The following TMEM164 variants were observed in gnomAD, a reference collection of about 807,000 sequenced individuals.
The protein encoded by TMEM164 is transmembrane protein 164.
In TMEM164, 4 loss-of-function variants were observed where a neutral mutation model predicts 18.8. That is an observed-to-expected ratio of 0.21 (90% CI 0.10 to 0.49). The LOEUF (loss-of-function observed/expected upper bound fraction) is 0.49. Ranked by LOEUF, TMEM164 falls within the 20% of genes least tolerant of loss-of-function variation. The probability of loss-of-function intolerance (pLI) is 0.98; values close to 1 mark genes in which losing one functional copy is unlikely to be tolerated. For missense variants in TMEM164, 108 were observed against 239.9 expected (o/e 0.45, Z 3.63); for synonymous variants, 86 against 101.7 (o/e 0.85, Z 0.93).
At chrX:110,013,514 C>T (rs1197080995) in intron 2 of TMEM164, among the ~76,000 whole-genome samples, 1 of 112,242 alleles carries the variant, frequency 8.9e-6, no homozygotes, top group Non-Finnish European at 1.9e-5. Context: ...GGTGTGTACA[C>T]ATCAGGGCCA....
At chrX:110,090,172 A>G (rs767899835) in intron 3 of TMEM164, among the ~76,000 whole-genome samples, 5 of 111,416 alleles carry the variant, frequency 4.5e-5, no homozygotes, top group African/African-American at 6.5e-5. Flanking sequence ...CATTTGGTTC[A>G]GAACAAGGAA....
chrX:110,036,798 T>C lies in TMEM164; in HGVS notation c.391-30549T>C, dbSNP rs1934826893. Among the ~76,000 whole-genome samples, 8 of 112,233 alleles carry C rather than the reference T, an allele frequency of 7.1e-5. No individual in the cohort carries two copies. The South Asian group carries it at 2.9e-3, about 41-fold the overall frequency. Reference sequence around the variant, plus strand: ...GTGTATCTGGTAGAAGTTTATGTGATGATGGAAATGTTTTATATCTGCACT... The same window carrying C: ...GTGTATCTGGTAGAAGTTTATGTGACGATGGAAATGTTTTATATCTGCACT... On this transcript the variant is annotated intron_variant, in intron 2 of 6. Coordinates refer to ENST00000372068, the MANE Select transcript of TMEM164 (RefSeq NM_032227.4).
At chrX:110,078,125 C>T (rs2065699804) in intron 3 of TMEM164, among the ~76,000 whole-genome samples, 1 of 112,029 alleles carries the variant, frequency 8.9e-6, no homozygotes, top group African/African-American at 3.2e-5. Context: ...ATTACATAAT[C>T]CCATATATCT....
chrX:110,151,225 A>G (rs2066934068), intron 5 of TMEM164, among the ~76,000 whole-genome samples: 1 of 112,457 alleles, frequency 8.9e-6, no homozygotes, highest in African/African-American at 3.2e-5. Flanking sequence ...GCGTGTGTGC[A>G]AGAATATCTA....
At chrX:110,083,890 C>T (rs1483600018) in intron 3 of TMEM164, among the ~76,000 whole-genome samples, 2 of 111,258 alleles carry the variant, frequency 1.8e-5, no homozygotes, top group African/African-American at 6.5e-5. Context: ...AGTTGCTTCT[C>T]TTGGATTATT....
chrX:110,067,274 G>T, intron 2 of TMEM164, 73 bp from the exon 3 acceptor site: 1 of 1,029,317 alleles, frequency 9.7e-7, no homozygotes, highest in Admixed American at 2.3e-5. Flanking sequence ...TTTTGTTATT[G>T]TTAAAGTAAC....
intron 2 of TMEM164, chrX:110,046,210 G>A (rs933853659): frequency 9.3e-6 from 7 of 753,150 alleles, no homozygotes; most frequent in African/African-American, 4.6e-5. Context: ...CTTTGAATCC[G>A]TGTTCCTGGC....
chrX:110,037,153 A>C (rs1481617396), intron 2 of TMEM164, among the ~76,000 whole-genome samples: 3 of 111,219 alleles, frequency 2.7e-5, no homozygotes, highest in Admixed American at 9.5e-5. Context: ...GTTTGGTTCA[A>C]AATGGAAACT....
intron 3 of TMEM164, among the ~76,000 whole-genome samples, chrX:110,084,379 T>TATATATATATAGTATA (rs1228632082): frequency 2.0e-4 from 7 of 35,626 alleles, no homozygotes; most frequent in South Asian, 1.9e-3. Context: ...ATATATATAG[T>TATATATATATAGTATA]GTATATATAT....
chrX:110,041,801 G>T (rs1935104950), intron 2 of TMEM164, among the ~76,000 whole-genome samples: 1 of 111,036 alleles, frequency 9.0e-6, no homozygotes, highest in African/African-American at 3.3e-5. Context: ...CCTTCTAATG[G>T]TACAGTTCTG....
At chrX:110,044,808 C>T (rs1790006924) in intron 2 of TMEM164, among the ~76,000 whole-genome samples, 1 of 108,368 alleles carries the variant, frequency 9.2e-6, no homozygotes, top group African/African-American at 3.4e-5. Flanking sequence ...CTGTCCTAGG[C>T]ACTTGTCACT....
At chrX:110,013,477 C>A (rs1168378320) in intron 2 of TMEM164, among the ~76,000 whole-genome samples, 1 of 112,107 alleles carries the variant, frequency 8.9e-6, no homozygotes, top group Admixed American at 9.4e-5. Flanking sequence ...ATCTTCTTTT[C>A]TTAACATTAA....
chrX:110,037,984 A>ATTTTTTTTTTTTTTTTTTT (rs1036705725), intron 2 of TMEM164, among the ~76,000 whole-genome samples: 3 of 72,712 alleles, frequency 4.1e-5, no homozygotes, highest in African/African-American at 1.2e-4. Context: ...CTTTGGACTC[A>ATTTTTTTTTTTTTTTTTTT]TTTTTTTTTT....
intron 2 of TMEM164, among the ~76,000 whole-genome samples, chrX:110,017,493 T>C (rs1933497130): frequency 6.8e-4 from 1 of 1,472 alleles, no homozygotes; most frequent in African/African-American, 1.0e-3. Flanking sequence ...CCTCCCTCCC[T>C]CCCTCCCTCC....
In TMEM164 at chrX:110,176,478, C is replaced by T. The variant is rs189684888; in HGVS notation, c.*3027C>T. The stretch of plus-strand genomic sequence containing the variant: ...TTCTCTCTCTCTCCTCAAACTTCAT[C>T]GCATTCATAGAAGCTGCTTGCAGGG... On this transcript the variant is annotated 3_prime_UTR_variant, in exon 7 of 7. Transcript: ENST00000372068. 21 of 736,107 alleles carry T rather than the reference C, an allele frequency of 2.9e-5. No individual in the cohort carries two copies. The highest frequency in any genetic ancestry group is 1.7e-4 in the Admixed American group (2 of 11,446). The allele number at this position is 736,107 out of a possible 1,213,427, so 60.7% of individuals were successfully genotyped here.
chrX:110,054,128 C>T lies in TMEM164; in HGVS notation c.391-13219C>T, dbSNP rs139835414. Among the ~76,000 whole-genome samples the T allele has an allele frequency of 9.3e-3, 1,038 of 111,833 alleles. 11 individuals carry two copies. The highest frequency in any genetic ancestry group is 0.032 in the African/African-American group (982 of 30,774). On this transcript the variant is annotated intron_variant, in intron 2 of 6. Transcript: ENST00000372068. Reference sequence around the variant, plus strand: ...CTCTTTGACTCACTTATTAGTTGTGCGACCTTAGGCAATTTATTTAACCTT... The same window carrying T: ...CTCTTTGACTCACTTATTAGTTGTGTGACCTTAGGCAATTTATTTAACCTT...
chrX:110,086,640 ATATATATG>A (rs1416497170), intron 3 of TMEM164, among the ~76,000 whole-genome samples: 7 of 75,700 alleles, frequency 9.2e-5, no homozygotes, highest in African/African-American at 1.1e-4. Flanking sequence ...ATATATGTGT[ATATATATG>A]TATATATATA....
At chrX:110,091,240 C>T (rs909951846) in intron 3 of TMEM164, among the ~76,000 whole-genome samples, 1 of 112,410 alleles carries the variant, frequency 8.9e-6, no homozygotes, top group Non-Finnish European at 1.9e-5. Flanking sequence ...GGATGACTGG[C>T]TCAAATGGTA....
chrX:110,022,335 G>A (rs1933931484), intron 2 of TMEM164, among the ~76,000 whole-genome samples: 2 of 111,222 alleles, frequency 1.8e-5, no homozygotes, highest in African/African-American at 6.6e-5. Flanking sequence ...TACTTGTCAA[G>A]AGAGATCTAA....
Sources: gnomAD v4.1 joint callset for allele counts (sites outside exome capture counted in the v4.1 genomes callset) on GRCh38, gnomAD v4.1.1 for gene constraint, MANE v1.5 for transcripts, NCBI Gene and HGNC (gene_info 2026-07-23, HGNC 2026-07-21) for gene names.